The following PHC2 variants were observed in gnomAD, a reference collection of about 807,000 sequenced individuals.
The protein encoded by PHC2 is polyhomeotic homolog 2.
A neutral mutation model predicts 87.4 loss-of-function variants in PHC2; 29 were observed. That is an observed-to-expected ratio of 0.33 (90% CI 0.25 to 0.45). PHC2 has a LOEUF of 0.45. Ranked by LOEUF, PHC2 falls within the 20% of genes least tolerant of loss-of-function variation. The probability of loss-of-function intolerance (pLI) is 1.00; values close to 1 mark genes in which losing one functional copy is unlikely to be tolerated. For missense variants in PHC2, 857 were observed against 1,136.7 expected (o/e 0.75, Z 3.54); for synonymous variants, 438 against 461.7 (o/e 0.95, Z 0.66).
rs900009266 is a variant in PHC2, at chr1:33,354,741, G to A, written c.1392+97C>T. The A allele has an allele frequency of 2.5e-5, 35 of 1,423,744 alleles. No individual in the cohort carries two copies. The East Asian group carries it at 5.3e-4, about 22-fold the overall frequency. 88.2% of individuals were successfully genotyped at this position (1,423,744 alleles called of 1,614,324 possible). A position where few individuals can be genotyped will look rare whatever the true frequency, so the allele number is the denominator to read the frequency against. On this transcript the variant is annotated intron_variant, in intron 8 of 14. Coordinates refer to ENST00000683057, the MANE Select transcript of PHC2 (RefSeq NM_001385109.1). Reference sequence around the variant, plus strand: ...GGAATCCCCAAAGATGACTTCACCCGTCAGCCTACCCAGAAGCACCTCTTG... The same window carrying A: ...GGAATCCCCAAAGATGACTTCACCCATCAGCCTACCCAGAAGCACCTCTTG...
In PHC2 at chr1:33,346,455, C is replaced by T. The variant is rs930297392; in HGVS notation, c.1558+7946G>A. Reference sequence around the variant, plus strand: ...CTCATTCTCATTTCCCTACTCTCGTCTCCAGTAGGTGTCCTTTCAGAAGAG... The same window carrying T: ...CTCATTCTCATTTCCCTACTCTCGTTTCCAGTAGGTGTCCTTTCAGAAGAG... On this transcript the variant is annotated intron_variant, in intron 9 of 14. Transcript: ENST00000683057. The T allele has an allele frequency of 5.1e-6, 5 of 985,140 alleles. No homozygotes were observed. The African/African-American group carries it at 8.7e-5, about 17-fold the overall frequency. 61.0% of individuals were successfully genotyped at this position (985,140 alleles called of 1,614,324 possible). A position where few individuals can be genotyped will look rare whatever the true frequency, so the allele number is the denominator to read the frequency against.
intron 9 of PHC2, among the ~76,000 whole-genome samples, chr1:33,351,089 C>T (rs1429323606): frequency 6.6e-6 from 1 of 152,148 alleles, no homozygotes; most frequent in Non-Finnish European, 1.5e-5. Flanking sequence ...CTGCCAGGGA[C>T]CAGAGAGTAA....
At chr1:33,373,952 C>T (rs560368004) in intron 2 of PHC2, among the ~76,000 whole-genome samples, 43 of 152,262 alleles carry the variant, frequency 2.8e-4, no homozygotes, top group African/African-American at 8.9e-4. Context: ...GCAGATCCTC[C>T]GTGGGCTCTG....
At chr1:33,389,278 G>T (rs895543843) in intron 1 of PHC2, among the ~76,000 whole-genome samples, 1 of 152,158 alleles carries the variant, frequency 6.6e-6, no homozygotes, top group Non-Finnish European at 1.5e-5. Context: ...AAGCATTTTA[G>T]AAATCCAGAG....
rs1287493276 is a variant in PHC2, at chr1:33,399,318, T to A, written c.-54-23725A>T. On this transcript the variant is annotated intron_variant, in intron 1 of 14. Coordinates refer to ENST00000683057, the MANE Select transcript of PHC2 (RefSeq NM_001385109.1). Reference sequence around the variant, plus strand: ...ACCCTACAAAAGGTGCTGGAAGTATTATTACTTTGGACACTGAGCTCACAA... The same window carrying A: ...ACCCTACAAAAGGTGCTGGAAGTATAATTACTTTGGACACTGAGCTCACAA... Among the ~76,000 whole-genome samples the A allele has an allele frequency of 2.0e-5, 3 of 149,250 alleles. 1 individual carries two copies. The highest frequency in any genetic ancestry group is 4.5e-5 in the Non-Finnish European group (3 of 66,324).
intron 1 of PHC2, among the ~76,000 whole-genome samples, chr1:33,413,601 A>G (rs559533945): frequency 5.3e-5 from 8 of 152,360 alleles, no homozygotes; most frequent in East Asian, 1.9e-4. Context: ...TGAAGATTGT[A>G]AGTTTAAAAG....
At chr1:33,430,681 C>T (rs1187335184) in intron 1 of PHC2, among the ~76,000 whole-genome samples, 2 of 151,852 alleles carry the variant, frequency 1.3e-5, no homozygotes. Flanking sequence ...CTCCGCAGCC[C>T]TCCTCGCTGC....
intron 9 of PHC2, among the ~76,000 whole-genome samples, chr1:33,342,547 C>CG (rs1646764539): frequency 6.8e-6 from 1 of 146,714 alleles, no homozygotes. Context: ...TTCAGGACAA[C>CG]GGGAGCAGTG....
At chr1:33,386,554 T>A (rs1648764678) in intron 1 of PHC2, among the ~76,000 whole-genome samples, 1 of 151,892 alleles carries the variant, frequency 6.6e-6, no homozygotes, top group African/African-American at 2.4e-5. Context: ...CTTTTCAAGC[T>A]GGGTGTGGTG....
intron 7 of PHC2, among the ~76,000 whole-genome samples, chr1:33,366,618 G>A (rs1053013333): frequency 6.6e-6 from 1 of 152,218 alleles, no homozygotes; most frequent in Admixed American, 6.5e-5. Flanking sequence ...GGCAGGACCT[G>A]AGTCTCATTT....
chr1:33,419,002 C>G (rs1650320062), intron 1 of PHC2, among the ~76,000 whole-genome samples: 1 of 152,190 alleles, frequency 6.6e-6, no homozygotes, highest in Non-Finnish European at 1.5e-5. Context: ...GGTTCAGGTC[C>G]TGGCCCCATT....
chr1:33,396,001 T>A (rs1488624471), intron 1 of PHC2, among the ~76,000 whole-genome samples: 3 of 152,210 alleles, frequency 2.0e-5, no homozygotes, highest in Non-Finnish European at 4.4e-5. Context: ...ATTTAACATA[T>A]GGCCTCATGG....
intron 2 of PHC2, among the ~76,000 whole-genome samples, chr1:33,373,373 G>A (rs755993384): frequency 6.6e-6 from 1 of 151,958 alleles, no homozygotes; most frequent in African/African-American, 2.4e-5. Context: ...TACCCACCTC[G>A]GTCTCCCAAA....
intron 1 of PHC2, among the ~76,000 whole-genome samples, chr1:33,420,602 C>G (rs895459287): frequency 1.3e-5 from 2 of 152,022 alleles, no homozygotes; most frequent in South Asian, 2.1e-4. Context: ...TGAACTCGGA[C>G]AAGTTATTTC....
Position 33,334,303 on chromosome 1 carries a change from G to A in PHC2, c.1559-11C>T. 1 of 1,611,446 alleles carries A rather than the reference G, an allele frequency of 6.2e-7. No homozygotes were observed. The highest frequency in any genetic ancestry group is 8.5e-7 in the Non-Finnish European group (1 of 1,178,400). On this transcript the variant is annotated splice_polypyrimidine_tract_variant and intron_variant, in intron 9 of 14. Coordinates refer to ENST00000683057, the MANE Select transcript of PHC2 (RefSeq NM_001385109.1). The surrounding 1 kb of genome is among the most constrained non-coding windows in gnomAD (Gnocchi z 5.5). ...TGCCCTGCCCTGTCTCTGCACGAGA[G>A]AGAGTAGGAAAACAAAGCAGGGGAG...
chr1:33,366,312 C>T (rs760724273), intron 7 of PHC2, among the ~76,000 whole-genome samples: 20 of 152,178 alleles, frequency 1.3e-4, no homozygotes, highest in Non-Finnish European at 2.4e-4. Flanking sequence ...TTACCTAGAT[C>T]GATAGGCCTG....
rs1646587846 is a variant in PHC2, at chr1:33,334,779, C to T, written c.1559-487G>A. On this transcript the variant is annotated intron_variant, in intron 9 of 14. Coordinates refer to ENST00000683057, the MANE Select transcript of PHC2 (RefSeq NM_001385109.1). This position sits in a 1 kb window ranked among gnomAD's most constrained non-coding sequence, Gnocchi z 5.5. ...TCCTTAGAGGAGGGATTTTAAGAGC[C>T]CTGTGAAATGTCAAAACACTGAACC... Among the ~76,000 whole-genome samples, 1 of 152,098 alleles carries T rather than the reference C, an allele frequency of 6.6e-6. No individual in the cohort carries two copies. The highest frequency in any genetic ancestry group is 2.4e-5 in the African/African-American group (1 of 41,402).
At chr1:33,387,116 T>C (rs1049053522) in intron 1 of PHC2, among the ~76,000 whole-genome samples, 2 of 152,214 alleles carry the variant, frequency 1.3e-5, no homozygotes, top group Non-Finnish European at 2.9e-5. Flanking sequence ...ACTGGCCTTC[T>C]TTTTCTCTTC....
intron 1 of PHC2, among the ~76,000 whole-genome samples, chr1:33,397,798 C>T (rs998719086): frequency 7.2e-5 from 11 of 152,068 alleles, no homozygotes; most frequent in South Asian, 2.1e-4. Flanking sequence ...AATACTGATG[C>T]GACAAAGGAA....
Sources: gnomAD v4.1 joint callset for allele counts (sites outside exome capture counted in the v4.1 genomes callset) on GRCh38, gnomAD v4.1.1 for gene constraint, Gnocchi (gnomAD v3.1) non-coding constraint, MANE v1.5 for transcripts, NCBI Gene and HGNC (gene_info 2026-07-23, HGNC 2026-07-21) for gene names.